The following PYGO1 variants were observed in gnomAD, a reference collection of about 807,000 sequenced individuals.
PYGO1 encodes pygopus homolog 1.
A neutral mutation model predicts 29.5 loss-of-function variants in PYGO1; 6 were observed. The observed-to-expected ratio is 0.20, with a 90% confidence interval of 0.11 to 0.40. PYGO1 has a LOEUF of 0.40. PYGO1 is among the 10% of genes least tolerant of loss of function. The pLI is 1.00. For missense variants in PYGO1, 515 were observed against 514.9 expected (o/e 1.00, Z 0.00); for synonymous variants, 186 against 180.5 (o/e 1.03, Z -0.24).
intron 1 of PYGO1, among the ~76,000 whole-genome samples, chr15:55,566,265 C>A (rs1482125609): frequency 1.3e-5 from 2 of 152,024 alleles, no homozygotes; most frequent in Non-Finnish European, 2.9e-5. Context: ...TTGCTGCCAT[C>A]TTTATGTCCA....
At chr15:55,548,534 C>T (rs767009440) in intron 2 of PYGO1, among the ~76,000 whole-genome samples, 3 of 150,804 alleles carry the variant, frequency 2.0e-5, no homozygotes, top group Non-Finnish European at 3.0e-5. Flanking sequence ...GGTGAAAGCC[C>T]GTCTCTACTA....
In PYGO1 at chr15:55,543,134, T is replaced by C. The variant is rs1199374975; in HGVS notation, c.*2889A>G. 6.6e-6 allele frequency: 1 copy of C among 151,860 alleles called. No individual in the cohort carries two copies. Among genetic ancestry groups the C allele is most frequent in the Non-Finnish European group, 1.5e-5 (1 of 67,970 alleles). The allele number at this position is 151,860 out of a possible 1,614,324, so 9.4% of individuals were successfully genotyped here. A position where few individuals can be genotyped will look rare whatever the true frequency, so the allele number is the denominator to read the frequency against. On this transcript the variant is annotated 3_prime_UTR_variant, in exon 3 of 3. Coordinates refer to ENST00000563719, the MANE Select transcript of PYGO1 (RefSeq NM_001367806.1). ...GACTTTCAGTGAAGGAAAGGGATTATACCAAAAAAGGTACAATTCCACCTG... is the reference window on the plus strand; with the variant it reads ...GACTTTCAGTGAAGGAAAGGGATTACACCAAAAAAGGTACAATTCCACCTG...
chr15:55,539,707 C>T lies in PYGO1; in HGVS notation c.*6316G>A, dbSNP rs901425183. 1.3e-5 allele frequency: 2 copies of T among 151,844 alleles called. No homozygotes were observed. The highest frequency in any genetic ancestry group is 1.9e-4 in the East Asian group (1 of 5,190). The allele number at this position is 151,844 out of a possible 1,614,324, so 9.4% of individuals were successfully genotyped here. A position where few individuals can be genotyped will look rare whatever the true frequency, so the allele number is the denominator to read the frequency against. On this transcript the variant is annotated 3_prime_UTR_variant, in exon 3 of 3. Transcript: ENST00000563719. ...GATTATGATACAGTATGGTATCTAG[C>T]GTTTTAAAAAATATTAAGTCTGAAT...
chr15:55,568,320 C>CTCTG (rs1555425855), intron 1 of PYGO1, among the ~76,000 whole-genome samples: 4 of 125,828 alleles, frequency 3.2e-5, no homozygotes, highest in Admixed American at 2.4e-4. Context: ...TTCCTAGGTA[C>CTCTG]TGTGTGTGTG....
chr15:55,555,360 C>T (rs2058899501), intron 1 of PYGO1, among the ~76,000 whole-genome samples: 1 of 151,644 alleles, frequency 6.6e-6, no homozygotes, highest in Non-Finnish European at 1.5e-5. Context: ...CTGAAGGAAG[C>T]ACTAAATATG....
intron 1 of PYGO1, among the ~76,000 whole-genome samples, chr15:55,565,015 C>T (rs1305533976): frequency 6.6e-6 from 1 of 152,170 alleles, no homozygotes; most frequent in African/African-American, 2.4e-5. Context: ...TTTCTGCTTT[C>T]AATGTGTATC....
chr15:55,587,742 G>A (rs2059054769), intron 1 of PYGO1, 93 bp downstream of exon 1: 4 of 1,390,306 alleles, frequency 2.9e-6, no homozygotes, highest in African/African-American at 1.5e-5. Flanking sequence ...ACTTAGGCCC[G>A]GACAGAGCCC....
chr15:55,582,445 G>A (rs533062522), intron 1 of PYGO1, among the ~76,000 whole-genome samples: 1 of 151,834 alleles, frequency 6.6e-6, no homozygotes, highest in Admixed American at 6.6e-5. Flanking sequence ...ACTCTCTCAC[G>A]GTTTTTCTCC....
At chr15:55,553,138 T>C (rs2058887372) in intron 1 of PYGO1, among the ~76,000 whole-genome samples, 1 of 152,214 alleles carries the variant, frequency 6.6e-6, no homozygotes, top group African/African-American at 2.4e-5. Flanking sequence ...ATGGCCAGAC[T>C]ACTTCCTTAA....
intron 1 of PYGO1, among the ~76,000 whole-genome samples, chr15:55,563,586 GT>G (rs1472164431): frequency 3.9e-5 from 6 of 152,022 alleles, no homozygotes; most frequent in African/African-American, 1.2e-4. Flanking sequence ...TCCTGACCTC[GT>G]GATCCGCCTG....
intron 2 of PYGO1, among the ~76,000 whole-genome samples, chr15:55,548,036 T>G (rs2058860313): frequency 6.6e-6 from 1 of 152,172 alleles, no homozygotes. Flanking sequence ...TAATTTTTTT[T>G]TGAGACAGAG....
At chr15:55,572,471 A>T (rs1479424883) in intron 1 of PYGO1, among the ~76,000 whole-genome samples, 1 of 152,234 alleles carries the variant, frequency 6.6e-6, no homozygotes, top group Non-Finnish European at 1.5e-5. Context: ...AGAGAGGAAA[A>T]AACTTCCTTG....
At chr15:55,557,415 C>G (rs184334477) in intron 1 of PYGO1, among the ~76,000 whole-genome samples, 133 of 152,270 alleles carry the variant, frequency 8.7e-4, no homozygotes, top group African/African-American at 3.0e-3. Context: ...ACCAGAGGTA[C>G]AAGGAGGAGC....
chr15:55,584,743 A>C (rs2059039646), intron 1 of PYGO1, among the ~76,000 whole-genome samples: 1 of 152,216 alleles, frequency 6.6e-6, no homozygotes. Context: ...TATAATCAAA[A>C]GGTGAAGGTT....
In PYGO1 at chr15:55,554,468, C is replaced by CAAAAAAAAAAAAA. The variant is rs56216226; in HGVS notation, c.50-5486_50-5474dup. On this transcript the variant is annotated intron_variant, in intron 1 of 2. Coordinates refer to ENST00000563719, the MANE Select transcript of PYGO1 (RefSeq NM_001367806.1). ...TGGGTGACAGAGCAAGACTCTGTCT[C>CAAAAAAAAAAAAA]AAAAAAAAAAAAAAAAAAAAAAAAA... 9.4e-4 allele frequency among the ~76,000 whole-genome samples: 115 copies of CAAAAAAAAAAAAA among 122,822 alleles called. 2 individuals carry two copies. Among genetic ancestry groups the CAAAAAAAAAAAAA allele is most frequent in the East Asian group, 2.3e-3 (7 of 3,110 alleles). The allele number at this position is 122,822 out of a possible 152,430, so 80.6% of individuals were successfully genotyped here. A position where few individuals can be genotyped will look rare whatever the true frequency, so the allele number is the denominator to read the frequency against.
chr15:55,577,743 C>A (rs1432107909), intron 1 of PYGO1, among the ~76,000 whole-genome samples: 2 of 151,438 alleles, frequency 1.3e-5, no homozygotes, highest in East Asian at 3.9e-4. Context: ...CATTCCCCCA[C>A]CCCCTGACAA....
intron 1 of PYGO1, among the ~76,000 whole-genome samples, chr15:55,572,879 A>T (rs1328892396): frequency 6.6e-6 from 1 of 151,898 alleles, no homozygotes; most frequent in Non-Finnish European, 1.5e-5. Flanking sequence ...GACAAAAAAA[A>T]TAAATAAATA....
At chr15:55,557,055 C>A (rs2058909223) in intron 1 of PYGO1, among the ~76,000 whole-genome samples, 1 of 151,824 alleles carries the variant, frequency 6.6e-6, no homozygotes, top group African/African-American at 2.4e-5. Flanking sequence ...CAAATTCTAC[C>A]AGAGGTACAA....
chr15:55,557,194 A>G (rs566999583), intron 1 of PYGO1, among the ~76,000 whole-genome samples: 1 of 152,314 alleles, frequency 6.6e-6, no homozygotes, highest in South Asian at 2.1e-4. Context: ...ACAAACTACC[A>G]TGAGAGAATA....
Sources: allele counts gnomAD v4.1 joint callset (sites outside exome capture counted in the v4.1 genomes callset), GRCh38; gene constraint gnomAD v4.1.1; transcripts MANE v1.5; gene names NCBI Gene and HGNC (gene_info 2026-07-23, HGNC 2026-07-21).